The following XIST variants were observed in gnomAD, a reference collection of about 807,000 sequenced individuals.
XIST encodes the protein X inactive specific transcript (non-protein coding).
exon 1 of XIST, chrX:73,847,257 G>A (rs773070827): frequency 1.8e-5 from 10 of 555,256 alleles, no homozygotes; most frequent in Admixed American, 1.6e-4. Context: ...GCAAGGAAGC[G>A]GGATTCTACT....
exon 3 of XIST, chrX:73,833,279 C>T (rs776919485): frequency 1.8e-6 from 1 of 556,871 alleles, no homozygotes; most frequent in African/African-American, 2.2e-5. Flanking sequence ...AGTAGATTAG[C>T]TGGAGCTTGG....
At chrX:73,850,138 T>C (rs1349467699) in exon 1 of XIST, 12 of 556,835 alleles carry the variant, frequency 2.2e-5, no homozygotes, top group South Asian at 1.3e-4. Flanking sequence ...CACTCTTTTT[T>C]ACATTAGGTC....
At chrX:73,844,611 C>CCT (rs758215135) in exon 1 of XIST, 2 of 557,908 alleles carry the variant, frequency 3.6e-6, no homozygotes, top group Non-Finnish European at 3.2e-6. Context: ...AGTGAGCACT[C>CCT]CCTGCTGGGA....
chrX:73,825,564 CA>C (rs1042184228), exon 6 of XIST: 3 of 513,423 alleles, frequency 5.8e-6, no homozygotes, highest in Admixed American at 5.3e-5. Context: ...AATAATACAT[CA>C]GGGGGTGGTA....
chrX:73,852,339 G>A, exon 1 of XIST: 2 of 543,416 alleles, frequency 3.7e-6, no homozygotes, highest in Non-Finnish European at 6.6e-6. Context: ...GCCCCGTTGG[G>A]CAAAGAAAAA....
Position 73,822,392 on chromosome X carries a change from A to G in XIST, n.17509T>C, listed in dbSNP as rs764863881. On this transcript the variant is annotated non_coding_transcript_exon_variant, in exon 6 of 6. Transcript: ENST00000429829. ...AAGCCATGCCCCTAACAAGAAAACA[A>G]GCCAAAAGGAAAGTATTAGGCATTC... The G allele has an allele frequency of 1.3e-5, 7 of 521,008 alleles. No homozygotes were observed. In the African/African-American group the frequency reaches 1.6e-4, roughly 12 times the overall value. The allele number at this position is 521,008 out of a possible 1,213,427, so 42.9% of individuals were successfully genotyped here.
chrX:73,841,804 G>C lies in XIST; in HGVS notation n.10920C>G, dbSNP rs975326681. 12 of 493,651 alleles carry C rather than the reference G, an allele frequency of 2.4e-5. No individual in the cohort carries two copies. The African/African-American group carries it at 2.8e-4, about 12-fold the overall frequency. 40.7% of individuals were successfully genotyped at this position (493,651 alleles called of 1,213,427 possible). On this transcript the variant is annotated non_coding_transcript_exon_variant, in exon 1 of 6. Coordinates refer to ENST00000429829, the Ensembl canonical transcript of XIST. ...TTTTATATAATAATTAATAAAAAAG[G>C]TGGCATATGCTTTTTAAAAGCACCT...
exon 6 of XIST, chrX:73,820,671 ATTT>A: frequency 1.9e-6 from 1 of 531,637 alleles, no homozygotes; most frequent in South Asian, 2.5e-5. Flanking sequence ...AAAACAGTAT[ATTT>A]TATTTTACAA....
exon 1 of XIST, chrX:73,841,734 G>A (rs1190220548): frequency 5.9e-6 from 3 of 508,853 alleles, no homozygotes; most frequent in Non-Finnish European, 1.1e-5. Context: ...ACCTCAGTGT[G>A]GTACTTCAAA....
exon 1 of XIST, chrX:73,846,321 T>C (rs1298758617): frequency 1.8e-6 from 1 of 554,496 alleles, no homozygotes; most frequent in Non-Finnish European, 3.2e-6. Context: ...CACTTAACAA[T>C]TACGCACCTT....
exon 1 of XIST, chrX:73,849,613 G>A (rs1331392533): frequency 9.0e-6 from 5 of 555,979 alleles, no homozygotes; most frequent in South Asian, 2.2e-5. Flanking sequence ...TCAACGTACC[G>A]AGTAAGGAAA....
chrX:73,834,406 C>CA (rs777439079), intron 2 of XIST, among the ~76,000 whole-genome samples: 2 of 112,659 alleles, frequency 1.8e-5, no homozygotes, highest in South Asian at 7.4e-4. Context: ...ATGACATACT[C>CA]AAAGAGCATT....
At chrX:73,850,709 G>T (rs1465432016) in exon 1 of XIST, 7 of 255,404 alleles carry the variant, frequency 2.7e-5, no homozygotes, top group African/African-American at 4.7e-5. Context: ...GGGGGGTAGG[G>T]GGGTGGGGAG....
exon 6 of XIST, chrX:73,821,105 A>G (rs756736882): frequency 1.8e-6 from 1 of 558,642 alleles, no homozygotes; most frequent in South Asian, 2.2e-5. Context: ...AGCTGAAGAA[A>G]GGGGTGTTAC....
At chrX:73,822,698 C>T in exon 6 of XIST, 2 of 540,395 alleles carry the variant, frequency 3.7e-6, no homozygotes, top group Non-Finnish European at 6.7e-6. Flanking sequence ...GTTTTTGTTG[C>T]ATCTCCAAGT....
rs897657658 is a variant in XIST, at chrX:73,828,861, G to A, written n.11916+207C>T. 1.4e-5 allele frequency: 5 copies of A among 346,798 alleles called. No individual in the cohort carries two copies. The Admixed American group carries it at 1.9e-4, about 13-fold the overall frequency. 28.6% of individuals were successfully genotyped at this position (346,798 alleles called of 1,213,427 possible). On this transcript the variant is annotated intron_variant and non_coding_transcript_variant, in intron 5 of 5. Coordinates refer to ENST00000429829, the Ensembl canonical transcript of XIST. Reference sequence around the variant, plus strand: ...ACACAAGCAAAGGCTAAATTCTTCTGTGATACAACTGGTAAGAAGACCATA... The same window carrying A: ...ACACAAGCAAAGGCTAAATTCTTCTATGATACAACTGGTAAGAAGACCATA...
chrX:73,844,197 C>A (rs1255224546), exon 1 of XIST: 2 of 556,576 alleles, frequency 3.6e-6, no homozygotes, highest in Non-Finnish European at 6.5e-6. Flanking sequence ...GGGTCAGCAA[C>A]CCTGGTATAC....
At chrX:73,821,888 C>G (rs1363821310) in exon 6 of XIST, 1 of 553,905 alleles carries the variant, frequency 1.8e-6, no homozygotes, top group Non-Finnish European at 3.3e-6. Flanking sequence ...CCTTCTTGAG[C>G]AGATTTGATG....
At chrX:73,823,847 C>CATT in exon 6 of XIST, 1 of 558,572 alleles carries the variant, frequency 1.8e-6, no homozygotes. Flanking sequence ...TATATTACTT[C>CATT]ATTTCCTTCT....
Sources: gnomAD v4.1 joint callset for allele counts (sites outside exome capture counted in the v4.1 genomes callset) on GRCh38, gnomAD v4.1.1 for gene constraint, MANE v1.5 for transcripts, NCBI Gene and HGNC (gene_info 2026-07-23, HGNC 2026-07-21) for gene names.